The following ST6GALNAC3 variants were observed in gnomAD, a reference collection of about 807,000 sequenced individuals.
ST6GALNAC3 encodes the protein ST6 N-acetylgalactosaminide alpha-2,6-sialyltransferase 3.
A neutral mutation model predicts 32.7 loss-of-function variants in ST6GALNAC3; 25 were observed. That is an observed-to-expected ratio of 0.76 (90% CI 0.56 to 1.07). ST6GALNAC3 has a LOEUF of 1.07. ST6GALNAC3 is among the 50% of genes least tolerant of loss of function. The pLI is 0.00. For synonymous variants in ST6GALNAC3, 129 were observed against 133.1 expected, an observed-to-expected ratio of 0.97 and a Z score of 0.21; for missense variants, 355 against 382.4, an observed-to-expected ratio of 0.93 and a Z score of 0.60.
chr1:76,312,858 C>G (rs1646792873), intron 1 of ST6GALNAC3, among the ~76,000 whole-genome samples: 1 of 152,150 alleles, frequency 6.6e-6, no homozygotes, highest in Non-Finnish European at 1.5e-5. Flanking sequence ...TGTATGTATT[C>G]TTGTCTGCGT....
intron 2 of ST6GALNAC3, chr1:76,353,518 T>G (rs1346544507): frequency 6.5e-6 from 1 of 152,744 alleles, no homozygotes; most frequent in Non-Finnish European, 1.5e-5. Flanking sequence ...GAGGTTAGAC[T>G]GGGGCCCCTT....
At chr1:76,142,548 C>T (rs1436890536) in intron 1 of ST6GALNAC3, among the ~76,000 whole-genome samples, 1 of 152,134 alleles carries the variant, frequency 6.6e-6, no homozygotes, top group South Asian at 2.1e-4. Context: ...GTGAATGGAC[C>T]ACAGTGTGGC....
intron 1 of ST6GALNAC3, among the ~76,000 whole-genome samples, chr1:76,169,443 A>G (rs1476242207): frequency 6.6e-6 from 1 of 152,060 alleles, no homozygotes; most frequent in Non-Finnish European, 1.5e-5. Context: ...GATCTTTAGT[A>G]TTAGTAAAAA....
At chr1:76,204,557 A>T (rs538977) in intron 1 of ST6GALNAC3, among the ~76,000 whole-genome samples, 2 of 151,932 alleles carry the variant, frequency 1.3e-5, no homozygotes, top group African/African-American at 4.8e-5. Flanking sequence ...GGAGGTGGGG[A>T]TATGTCCTTG....
At chr1:76,154,935 C>T (rs1231417518) in intron 1 of ST6GALNAC3, among the ~76,000 whole-genome samples, 1 of 152,184 alleles carries the variant, frequency 6.6e-6, no homozygotes, top group Non-Finnish European at 1.5e-5. Context: ...TTTCTTGGCC[C>T]TTGATTAGAA....
intron 2 of ST6GALNAC3, among the ~76,000 whole-genome samples, chr1:76,367,529 GA>G (rs1349453486): frequency 6.6e-6 from 1 of 152,070 alleles, no homozygotes; most frequent in African/African-American, 2.4e-5. Flanking sequence ...ACTAAATTTT[GA>G]GTGGGGCAAA....
chr1:76,196,039 C>T (rs560247666), intron 1 of ST6GALNAC3, among the ~76,000 whole-genome samples: 2 of 152,252 alleles, frequency 1.3e-5, no homozygotes, highest in East Asian at 3.9e-4. Context: ...ATGACACTGT[C>T]CATGTGTTTC....
At chr1:76,284,700 C>G (rs568647589) in intron 1 of ST6GALNAC3, among the ~76,000 whole-genome samples, 1 of 151,936 alleles carries the variant, frequency 6.6e-6, no homozygotes, top group Non-Finnish European at 1.5e-5. Context: ...AAACCTGAAA[C>G]GATCTCCTGA....
At chr1:76,224,532 C>G (rs926951890) in intron 1 of ST6GALNAC3, among the ~76,000 whole-genome samples, 2 of 152,092 alleles carry the variant, frequency 1.3e-5, no homozygotes, top group African/African-American at 2.4e-5. Context: ...GTTGCCTGTC[C>G]CCTGGATGAG....
chr1:76,590,926 T>C (rs1451744179), intron 3 of ST6GALNAC3, among the ~76,000 whole-genome samples: 1 of 152,032 alleles, frequency 6.6e-6, no homozygotes, highest in Non-Finnish European at 1.5e-5. Context: ...GCATTGAGAG[T>C]CTCCTGTGTA....
intron 1 of ST6GALNAC3, among the ~76,000 whole-genome samples, chr1:76,258,369 C>T (rs1211500411): frequency 1.3e-5 from 2 of 152,162 alleles, no homozygotes; most frequent in Non-Finnish European, 2.9e-5. Context: ...AACTGAAAGG[C>T]CAAATATCTT....
chr1:76,142,019 G>C (rs142739605), intron 1 of ST6GALNAC3, among the ~76,000 whole-genome samples: 33 of 152,334 alleles, frequency 2.2e-4, no homozygotes, highest in Admixed American at 4.6e-4. Context: ...AGGGCAAAGG[G>C]ATCAGTTAGT....
intron 3 of ST6GALNAC3, among the ~76,000 whole-genome samples, chr1:76,527,343 G>A (rs1391167660): frequency 1.3e-5 from 2 of 151,974 alleles, no homozygotes; most frequent in Non-Finnish European, 2.9e-5. Flanking sequence ...AGGTTGAAAT[G>A]CCCAAGAGGC....
intron 1 of ST6GALNAC3, among the ~76,000 whole-genome samples, chr1:76,278,201 A>ACTCTCCAC (rs879910611): frequency 1.1e-4 from 16 of 148,210 alleles, no homozygotes; most frequent in South Asian, 6.4e-4. Context: ...AGTATCATGT[A>ACTCTCCAC]TTCTCATTAT....
chr1:76,305,569 A>G (rs2100864001), intron 1 of ST6GALNAC3, among the ~76,000 whole-genome samples: 1 of 152,202 alleles, frequency 6.6e-6, no homozygotes. Context: ...GGGAAGTGGT[A>G]AAGACTCTTT....
intron 1 of ST6GALNAC3, among the ~76,000 whole-genome samples, chr1:76,135,301 G>A (rs1354862643): frequency 6.6e-6 from 1 of 152,120 alleles, no homozygotes; most frequent in African/African-American, 2.4e-5. Flanking sequence ...GTAGTGTTTT[G>A]CATTTGTGTT....
intron 3 of ST6GALNAC3, among the ~76,000 whole-genome samples, chr1:76,610,003 G>T (rs968751228): frequency 6.6e-6 from 1 of 152,026 alleles, no homozygotes; most frequent in South Asian, 2.1e-4. Context: ...TTATAAGTGG[G>T]ATGTACTGTC....
intron 3 of ST6GALNAC3, among the ~76,000 whole-genome samples, chr1:76,486,004 G>A (rs1373418755): frequency 6.6e-6 from 1 of 152,180 alleles, no homozygotes; most frequent in Admixed American, 6.5e-5. Context: ...TCAGGAGCAG[G>A]TTGTTCAGTT....
intron 3 of ST6GALNAC3, among the ~76,000 whole-genome samples, chr1:76,414,020 T>G (rs1347378729): frequency 6.6e-6 from 1 of 152,030 alleles, no homozygotes; most frequent in Non-Finnish European, 1.5e-5. Flanking sequence ...TAGCATGCTG[T>G]TGGTTCATGT....
Sources: gnomAD v4.1 joint callset for allele counts (sites outside exome capture counted in the v4.1 genomes callset) on GRCh38, gnomAD v4.1.1 for gene constraint, MANE v1.5 for transcripts, NCBI Gene and HGNC (gene_info 2026-07-23, HGNC 2026-07-21) for gene names.